POLR1A: variants seen among roughly 807,000 people sequenced by gnomAD.
POLR1A encodes the protein DNA-directed RNA polymerase I subunit RPA1.
POLR1A carries 84 observed loss-of-function variants against 205.3 expected under a neutral mutation model. That is an observed-to-expected ratio of 0.41 (90% CI 0.34 to 0.49). POLR1A has a LOEUF of 0.49. Ranked by LOEUF, POLR1A falls within the 20% of genes least tolerant of loss-of-function variation. POLR1A has a pLI of 0.22. For synonymous variants in POLR1A, 799 were observed against 863.7 expected, an observed-to-expected ratio of 0.93 and a Z score of 1.31; for missense variants, 1,645 against 2,204.5, an observed-to-expected ratio of 0.75 and a Z score of 5.08.
chr2:86,053,348 C>T (rs1672840279), intron 15 of POLR1A, among the ~76,000 whole-genome samples: 1 of 151,908 alleles, frequency 6.6e-6, no homozygotes, highest in Non-Finnish European at 1.5e-5. Context: ...GTCAAGTATC[C>T]TTGACAAAGA....
At chr2:86,047,069 T>A in intron 19 of POLR1A, 96 bp downstream of exon 19, 1 of 759,780 alleles carries the variant, frequency 1.3e-6, no homozygotes, top group South Asian at 1.6e-5. Context: ...TTTTTACTTG[T>A]CATGTTTTAT....
Position 86,031,577 on chromosome 2 carries a change from T to G in POLR1A, c.4331A>C (p.Asp1444Ala). Residue 1444 changes from aspartate (D) to alanine (A), a missense_variant, in exon 30 of 34, where the codon GAC (aspartate) becomes GCC (alanine). By Grantham distance (126) the Asp-to-Ala change is moderately radical (BLOSUM62 -2). Around this residue, in one of 16 missense-constraint regions of POLR1A, gnomAD observed 394 missense variants for 468.5 expected, o/e 0.84. Transcript: ENST00000263857. ...EREGEENDDE[D>A]MQEERNPHRE... ...GTGGGGATTTCGTTCCTCCTGCATG[T>G]CTTCATCGTCGTTCTCCTCGCCCTC... The G allele has an allele frequency of 1.9e-6, 3 of 1,614,010 alleles. No homozygotes were observed. The highest frequency in any genetic ancestry group is 2.5e-6 in the Non-Finnish European group (3 of 1,179,870).
intron 16 of POLR1A, among the ~76,000 whole-genome samples, chr2:86,049,745 G>C (rs894002628): frequency 6.6e-6 from 1 of 152,070 alleles, no homozygotes; most frequent in East Asian, 1.9e-4. Flanking sequence ...AGACACACCC[G>C]AGCCTGGGTG....
At chr2:86,060,362 CT>C (rs144794187) in intron 14 of POLR1A, among the ~76,000 whole-genome samples, 6,489 of 149,374 alleles carry the variant, frequency 0.043, 263 homozygotes, top group East Asian at 0.23. Flanking sequence ...AGTTGACAGT[CT>C]TTTTTTTTTA....
At position 86,049,141 on chromosome 2, in the gene POLR1A, C is replaced by T; in HGVS notation, c.2475+19G>A. On this transcript the variant is annotated intron_variant, in intron 17 of 33. Transcript: ENST00000263857. ...TTCACCCCTCTAGGGCAGGCCACGG[C>T]CTCGAAGTCCCTCCTTACCTGGGGC... The T allele has an allele frequency of 6.2e-7, 1 of 1,610,936 alleles. No individual in the cohort carries two copies. Among genetic ancestry groups the T allele is most frequent in the Non-Finnish European group, 8.5e-7 (1 of 1,177,020 alleles).
At chr2:86,079,517 C>T (rs751840522) in intron 9 of POLR1A, among the ~76,000 whole-genome samples, 44 of 152,074 alleles carry the variant, frequency 2.9e-4, no homozygotes, top group Non-Finnish European at 5.7e-4. Flanking sequence ...GCTATTTGCC[C>T]CTCAGAGGCG....
chr2:86,105,609 G>C (rs116587298), intron 1 of POLR1A, 91 bp downstream of exon 1: 1 of 825,388 alleles, frequency 1.2e-6, no homozygotes, highest in African/African-American at 1.7e-5. Flanking sequence ...GACTCAAGAG[G>C]ATAGACTGGG....
chr2:86,068,548 G>C (rs1673125814), intron 13 of POLR1A, among the ~76,000 whole-genome samples: 1 of 152,166 alleles, frequency 6.6e-6, no homozygotes, highest in African/African-American at 2.4e-5. Context: ...TAAGGCCTGT[G>C]ACCCACTTAA....
At chr2:86,090,897 A>G (rs1673589921) in intron 3 of POLR1A, among the ~76,000 whole-genome samples, 1 of 152,236 alleles carries the variant, frequency 6.6e-6, no homozygotes. Flanking sequence ...GTGCGCTATG[A>G]TCGTACCTGT....
chr2:86,066,130 C>T (rs1366732413), intron 13 of POLR1A, among the ~76,000 whole-genome samples: 1 of 152,146 alleles, frequency 6.6e-6, no homozygotes, highest in Non-Finnish European at 1.5e-5. Context: ...ATAGCCTCTC[C>T]GAAGGGCAGT....
chr2:86,053,737 T>C (rs1379869538), intron 15 of POLR1A, among the ~76,000 whole-genome samples: 5 of 152,198 alleles, frequency 3.3e-5, no homozygotes, highest in African/African-American at 1.2e-4. Flanking sequence ...ATCTTCAGTG[T>C]GGACAGCTCT....
At position 86,039,424 on chromosome 2, in the gene POLR1A, T is replaced by G; in HGVS notation, c.3779A>C (p.Lys1260Thr). 1 of 1,614,122 alleles carries G rather than the reference T, an allele frequency of 6.2e-7. No individual in the cohort carries two copies. The highest frequency in any genetic ancestry group is 8.5e-7 in the Non-Finnish European group (1 of 1,179,990). ...CACGGGCACGCTCATCATGGGTGTC[T>G]TGATGTTGGCGCTGGCCACCATGAG... ...EILMVASANIKTPMMSVPVLN... is the reference protein window; with the variant it reads ...EILMVASANITTPMMSVPVLN... Residue 1260 changes from lysine (K) to threonine (T), a missense_variant, in exon 26 of 34, where the codon AAG (lysine) becomes ACG (threonine). By Grantham distance (78) the Lys-to-Thr change is moderately conservative. Coordinates refer to ENST00000263857, the MANE Select transcript of POLR1A (RefSeq NM_015425.6).
At chr2:86,076,396 GTCTA>G (rs1558778966) in intron 11 of POLR1A, among the ~76,000 whole-genome samples, 1 of 152,198 alleles carries the variant, frequency 6.6e-6, no homozygotes, top group Non-Finnish European at 1.5e-5. Flanking sequence ...ACATATACTT[GTCTA>G]TCTATTTACT....
chr2:86,065,055 G>A (rs1007225342), intron 14 of POLR1A, among the ~76,000 whole-genome samples: 7 of 152,074 alleles, frequency 4.6e-5, no homozygotes, highest in African/African-American at 1.7e-4. Flanking sequence ...GATTACAGGT[G>A]TGAGCCACTG....
At chr2:86,084,236 A>G (rs974840991) in intron 6 of POLR1A, among the ~76,000 whole-genome samples, 2 of 152,198 alleles carry the variant, frequency 1.3e-5, no homozygotes, top group Non-Finnish European at 2.9e-5. Flanking sequence ...ACTGCACTCC[A>G]GCCTGGGCAA....
rs1672831280 is a variant in POLR1A at position 86,052,951 on chromosome 2, T to G, written c.2258A>C (p.His753Pro). The G allele has an allele frequency of 6.2e-7, 1 of 1,608,572 alleles. No homozygotes were observed. The highest frequency in any genetic ancestry group is 1.7e-5 in the Admixed American group (1 of 59,448). ...CAGGCCGTAGGCGGAGCTCCCATAG[T>G]GCGCCTTGTCCAGCACTCCGCAGAG... ...ELLCGVLDKA[H>P]YGSSAYGLVH... The change falls in exon 16 of 34, where the codon CAC (histidine) becomes CCC (proline). Residue 753 changes from histidine (H) to proline (P), a missense_variant. By Grantham distance (77) the His-to-Pro change is moderately conservative (BLOSUM62 -2). Coordinates refer to ENST00000263857, the MANE Select transcript of POLR1A (RefSeq NM_015425.6).
intron 31 of POLR1A, 88 bp downstream of exon 31, chr2:86,030,108 T>C (rs1369066005): frequency 9.2e-7 from 1 of 1,091,774 alleles, no homozygotes; most frequent in Non-Finnish European, 1.4e-6. Flanking sequence ...GTAAATCGCG[T>C]AGAGCGAGCC....
intron 4 of POLR1A, 96 bp from the exon 5 acceptor site, chr2:86,088,966 G>A (rs1673554662): frequency 1.2e-6 from 1 of 835,794 alleles, no homozygotes; most frequent in Admixed American, 2.5e-5. Flanking sequence ...TTTTTAACCA[G>A]CGGAAACACC....
At chr2:86,041,148 A>ACT (rs1672592470) in intron 24 of POLR1A, among the ~76,000 whole-genome samples, 1 of 133,186 alleles carries the variant, frequency 7.5e-6, no homozygotes, top group Non-Finnish European at 1.6e-5. Context: ...GCTGAGCTAC[A>ACT]CTGTGTGTGT....
Sources: gnomAD v4.1 joint callset for allele counts (sites outside exome capture counted in the v4.1 genomes callset) on GRCh38, gnomAD v4.1.1 for gene constraint, gnomAD v4.1.1 regional missense constraint, MANE v1.5 for transcripts, NCBI Gene and HGNC (gene_info 2026-07-23, HGNC 2026-07-21) for gene names.